Variants in PTPRJ observed in about 807,000 individuals in gnomAD.
PTPRJ encodes receptor-type tyrosine-protein phosphatase eta.
A neutral mutation model predicts 141.3 loss-of-function variants in PTPRJ; 129 were observed. That is an observed-to-expected ratio of 0.91 (90% CI 0.79 to 1.06). The LOEUF (loss-of-function observed/expected upper bound fraction) is 1.06. Among genes scored for constraint, PTPRJ ranks in the 50% least tolerant of loss-of-function variants. PTPRJ has a pLI of 0.00. For missense variants in PTPRJ, 1,601 were observed against 1,679.7 expected, an observed-to-expected ratio of 0.95 and a Z score of 0.82; for synonymous variants, 610 against 640.5, an observed-to-expected ratio of 0.95 and a Z score of 0.72.
intron 1 of PTPRJ, among the ~76,000 whole-genome samples, chr11:48,085,210 C>G (rs10219290): frequency 0.017 from 2,489 of 150,566 alleles, 64 homozygotes; most frequent in African/African-American, 0.057. Flanking sequence ...TCTTACTAAG[C>G]AGACATTAAA....
At chr11:48,121,788 G>T (rs1325360382) in intron 4 of PTPRJ, among the ~76,000 whole-genome samples, 1 of 151,884 alleles carries the variant, frequency 6.6e-6, no homozygotes, top group East Asian at 1.9e-4. Context: ...TATTATAGCT[G>T]CAAACTTAGC....
intron 1 of PTPRJ, among the ~76,000 whole-genome samples, chr11:48,101,322 T>C (rs1414159974): frequency 6.6e-6 from 1 of 152,072 alleles, no homozygotes; most frequent in Non-Finnish European, 1.5e-5. Context: ...CCTGTCTCTG[T>C]CCTCCTCACC....
intron 1 of PTPRJ, among the ~76,000 whole-genome samples, chr11:48,032,812 C>T (rs892594397): frequency 2.6e-5 from 4 of 152,164 alleles, no homozygotes; most frequent in South Asian, 2.1e-4. Flanking sequence ...ATTCATTCAG[C>T]GTGCACAATT....
intron 1 of PTPRJ, among the ~76,000 whole-genome samples, chr11:48,030,673 G>A (rs571471432): frequency 6.6e-6 from 1 of 152,140 alleles, no homozygotes; most frequent in Non-Finnish European, 1.5e-5. Flanking sequence ...AACCTGGGAG[G>A]TGGAGGTTGC....
rs140690947 is a variant in PTPRJ, at chr11:48,130,504, C to T, written c.1403C>T (p.Thr468Met). 1.6e-5 allele frequency: 26 copies of T among 1,613,600 alleles called. No individual in the cohort carries two copies. Among genetic ancestry groups the T allele is most frequent in the East Asian group, 2.2e-5 (1 of 44,832 alleles). ...TTCCGAGTGACAGTGGTCAGCACGACGGAGATCGGCTTAGCATGGAGCAGC... is the reference window on the plus strand; with the variant it reads ...TTCCGAGTGACAGTGGTCAGCACGATGGAGATCGGCTTAGCATGGAGCAGC... ...SDFRVTVVST[T>M]EIGLAWSSHD... Residue 468 changes from threonine (T) to methionine (M), a missense_variant, in exon 8 of 25, where the codon ACG becomes ATG. Thr to Met is a moderately conservative substitution (Grantham distance 81). Coordinates refer to ENST00000418331, the MANE Select transcript of PTPRJ (RefSeq NM_002843.4).
At chr11:48,038,604 G>T (rs975140411) in intron 1 of PTPRJ, among the ~76,000 whole-genome samples, 2 of 151,790 alleles carry the variant, frequency 1.3e-5, no homozygotes, top group Non-Finnish European at 2.9e-5. Flanking sequence ...TGAATCTTCT[G>T]CCTCAGCTTC....
At chr11:48,146,735 C>CTGTG (rs77393208) in intron 14 of PTPRJ, 141 bp from the exon 15 acceptor site, 93 of 671,958 alleles carry the variant, frequency 1.4e-4, no homozygotes, top group Non-Finnish European at 2.3e-4. Flanking sequence ...GTGTGTGCGC[C>CTGTG]TGTGTGTGTG....
chr11:48,076,732 G>A (rs1855414684), intron 1 of PTPRJ, among the ~76,000 whole-genome samples: 1 of 150,474 alleles, frequency 6.6e-6, no homozygotes. Context: ...TAAAGGGGGA[G>A]GGTTACAAAA....
chr11:48,147,073 T>G (rs761866412), intron 15 of PTPRJ, 110 bp downstream of exon 15: 50 of 912,110 alleles, frequency 5.5e-5, no homozygotes, highest in Non-Finnish European at 8.8e-5. Context: ...GAGCGCCATG[T>G]TCCCTTCACC....
intron 1 of PTPRJ, among the ~76,000 whole-genome samples, chr11:48,098,362 G>C (rs1856068014): frequency 2.6e-5 from 4 of 152,196 alleles, no homozygotes; most frequent in Admixed American, 2.0e-4. Context: ...CTATGGAAAT[G>C]CAAGGCTTAT....
chr11:48,007,091 G>A (rs1488084601), intron 1 of PTPRJ, among the ~76,000 whole-genome samples: 1 of 151,604 alleles, frequency 6.6e-6, no homozygotes, highest in African/African-American at 2.4e-5. Context: ...TATGAGTCCT[G>A]TTTCTTTTTT....
At chr11:48,151,021 T>A (rs573197758) in intron 18 of PTPRJ, among the ~76,000 whole-genome samples, 4 of 152,358 alleles carry the variant, frequency 2.6e-5, no homozygotes, top group African/African-American at 9.6e-5. Context: ...ATGTTAGTTT[T>A]TTCTGTGTAC....
chr11:48,134,584 A>G (rs537944415), intron 8 of PTPRJ, among the ~76,000 whole-genome samples: 2 of 151,952 alleles, frequency 1.3e-5, no homozygotes, highest in African/African-American at 4.8e-5. Flanking sequence ...ACATGGCACA[A>G]TTTTTTTTGT....
intron 21 of PTPRJ, 147 bp downstream of exon 21, chr11:48,156,266 T>C (rs1194941485): frequency 8.7e-6 from 6 of 692,870 alleles, no homozygotes; most frequent in Non-Finnish European, 1.4e-5. Flanking sequence ...TGTCTTTTTT[T>C]CCCCATAAGA....
At chr11:48,028,839 G>A (rs34972471) in intron 1 of PTPRJ, among the ~76,000 whole-genome samples, 56,780 of 152,080 alleles carry the variant, frequency 0.37, 13,798 homozygotes, top group African/African-American at 0.7. Flanking sequence ...AATCAAACAC[G>A]TCTGCAAGCC....
intron 1 of PTPRJ, among the ~76,000 whole-genome samples, chr11:48,046,907 TATA>T (rs1375368738): frequency 5.1e-4 from 44 of 86,510 alleles, no homozygotes; most frequent in East Asian, 4.5e-3. Flanking sequence ...TATATATATA[TATA>T]TATTTTTTTT....
intron 1 of PTPRJ, among the ~76,000 whole-genome samples, chr11:48,054,891 A>G (rs1854714319): frequency 6.6e-6 from 1 of 151,350 alleles, no homozygotes; most frequent in Admixed American, 6.6e-5. Context: ...GGGGGTATAT[A>G]AAGCCGCTGG....
chr11:48,130,202 C>T (rs1401435226), intron 7 of PTPRJ, among the ~76,000 whole-genome samples: 4 of 151,512 alleles, frequency 2.6e-5, no homozygotes, highest in South Asian at 4.2e-4. Context: ...CAGGAGCTCA[C>T]GCCTCCTCTC....
chr11:48,121,934 C>G (rs867194984), intron 4 of PTPRJ, among the ~76,000 whole-genome samples: 5 of 152,018 alleles, frequency 3.3e-5, no homozygotes, highest in Admixed American at 6.6e-5. Flanking sequence ...AGTGTGATCT[C>G]AGGGGCTGGA....
Sources: gnomAD v4.1 joint callset for allele counts (sites outside exome capture counted in the v4.1 genomes callset) on GRCh38, gnomAD v4.1.1 for gene constraint, MANE v1.5 for transcripts, NCBI Gene and HGNC (gene_info 2026-07-23, HGNC 2026-07-21) for gene names.